PCSK5: variants seen among roughly 807,000 people sequenced by gnomAD.
PCSK5 encodes the protein prohormone convertase 5.
PCSK5 carries 129 observed loss-of-function variants against 233.2 expected under a neutral mutation model. That is an observed-to-expected ratio of 0.55 (90% CI 0.48 to 0.64). The LOEUF (loss-of-function observed/expected upper bound fraction) is 0.64, where lower values mean the gene tolerates loss of function less well. Among genes scored for constraint, PCSK5 ranks in the 30% least tolerant of loss-of-function variants. The pLI is 0.00. For missense variants in PCSK5, 2,076 were observed against 2,430.1 expected (o/e 0.85, Z 3.06); for synonymous variants, 825 against 879.2 (o/e 0.94, Z 1.09).
rs547912082 is a variant in PCSK5, at chr9:76,281,319, A to G, written c.3143-10914A>G. On this transcript the variant is annotated intron_variant, in intron 24 of 37. Coordinates refer to ENST00000674117, the MANE Select transcript of PCSK5 (RefSeq NM_001372043.1). ...TGACTCTCTTATTAGGGACTAATGC[A>G]GCTGGTGACTTTAAGTTAAAGCCAG... 3.3e-5 allele frequency among the ~76,000 whole-genome samples: 5 copies of G among 152,384 alleles called. No homozygotes were observed. In the South Asian group the frequency reaches 8.3e-4, roughly 25 times the overall value.
intron 22 of PCSK5, among the ~76,000 whole-genome samples, chr9:76,236,934 A>C (rs1168607114): frequency 6.6e-6 from 1 of 152,194 alleles, no homozygotes; most frequent in African/African-American, 2.4e-5. Flanking sequence ...AAATTCCACA[A>C]ATACATATTT....
intron 1 of PCSK5, among the ~76,000 whole-genome samples, chr9:75,928,635 ATAT>A: frequency 7.4e-6 from 1 of 134,912 alleles, no homozygotes; most frequent in African/African-American, 2.8e-5. Context: ...ATATATATAT[ATAT>A]AATCCTAGAA....
chr9:76,209,303 C>T (rs112823038), intron 20 of PCSK5, among the ~76,000 whole-genome samples: 1 of 152,212 alleles, frequency 6.6e-6, no homozygotes, highest in East Asian at 1.9e-4. Flanking sequence ...GCGTTCCTAT[C>T]GCTACCCCTT....
rs980971197 is a variant in PCSK5 at position 76,197,067 on chromosome 9, G to A, written c.2626+7321G>A. Among the ~76,000 whole-genome samples the A allele has an allele frequency of 3.3e-5, 5 of 152,198 alleles. No homozygotes were observed. In the South Asian group the frequency reaches 8.3e-4, roughly 25 times the overall value. Reference sequence around the variant, plus strand: ...TCTTACCTGGGAAGACAGGAAGAGAGCGGGAAGAACATTACCAATGAACTT... The same window carrying A: ...TCTTACCTGGGAAGACAGGAAGAGAACGGGAAGAACATTACCAATGAACTT... On this transcript the variant is annotated intron_variant, in intron 20 of 37. Transcript: ENST00000674117.
chr9:76,285,362 GC>G, intron 24 of PCSK5, among the ~76,000 whole-genome samples: 1 of 152,298 alleles, frequency 6.6e-6, no homozygotes, highest in African/African-American at 2.4e-5. Context: ...TGCAGATGTA[GC>G]CTAAGAGAGT....
At chr9:76,023,664 A>G (rs767194126) in intron 3 of PCSK5, 74 bp from the exon 4 acceptor site, 30 of 1,404,864 alleles carry the variant, frequency 2.1e-5, no homozygotes, top group Non-Finnish European at 2.6e-5. Context: ...AAAAAACAAA[A>G]GAAAGAAAGA....
intron 3 of PCSK5, among the ~76,000 whole-genome samples, chr9:75,998,269 G>A (rs1416556): frequency 0.29 from 44,099 of 151,840 alleles, 7,544 homozygotes; most frequent in African/African-American, 0.48. Flanking sequence ...AATGTTTTAA[G>A]TGCTAATTCT....
At chr9:76,135,210 T>G (rs1169257729) in intron 10 of PCSK5, among the ~76,000 whole-genome samples, 1 of 152,086 alleles carries the variant, frequency 6.6e-6, no homozygotes, top group East Asian at 1.9e-4. Context: ...TAATATTATC[T>G]ACGTATCATA....
At chr9:75,939,498 T>C (rs1345750906) in intron 2 of PCSK5, among the ~76,000 whole-genome samples, 2 of 152,216 alleles carry the variant, frequency 1.3e-5, no homozygotes, top group African/African-American at 2.4e-5. Flanking sequence ...TCAAGGACAG[T>C]GTTATCTGTA....
chr9:75,982,125 T>A (rs1826302861), intron 2 of PCSK5, among the ~76,000 whole-genome samples: 1 of 152,220 alleles, frequency 6.6e-6, no homozygotes, highest in Non-Finnish European at 1.5e-5. Context: ...AACTGTATCA[T>A]GGAGATGATT....
chr9:76,304,613 T>C, intron 28 of PCSK5, among the ~76,000 whole-genome samples: 1 of 127,806 alleles, frequency 7.8e-6, no homozygotes, highest in African/African-American at 3.0e-5. Context: ...TTTCTCTCAT[T>C]TTAGAGACAA....
intron 7 of PCSK5, among the ~76,000 whole-genome samples, 167 bp from the exon 8 acceptor site, chr9:76,095,723 T>C (rs1235321305): frequency 1.3e-5 from 2 of 152,162 alleles, no homozygotes; most frequent in Non-Finnish European, 2.9e-5. Context: ...ACCGTTTTAG[T>C]CTATAAAACC....
chr9:76,001,871 T>A (rs776675083), intron 3 of PCSK5, among the ~76,000 whole-genome samples: 14 of 152,102 alleles, frequency 9.2e-5, no homozygotes, highest in Admixed American at 5.2e-4. Flanking sequence ...TCTGGACAAG[T>A]GAAAGGGAAT....
chr9:75,934,479 T>C (rs1823958595), intron 2 of PCSK5, among the ~76,000 whole-genome samples: 1 of 152,092 alleles, frequency 6.6e-6, no homozygotes, highest in African/African-American at 2.4e-5. Flanking sequence ...CTAAGGGAGC[T>C]TGCTGCTTTC....
intron 5 of PCSK5, among the ~76,000 whole-genome samples, chr9:76,046,155 C>CTTTTTTT (rs1829362984): frequency 1.4e-4 from 8 of 55,706 alleles, no homozygotes; most frequent in East Asian, 5.5e-4. Flanking sequence ...ATAATTTTTT[C>CTTTTTTT]TTTTGTTTTT....
At chr9:76,302,750 C>A (rs527264506) in intron 28 of PCSK5, among the ~76,000 whole-genome samples, 5 of 152,172 alleles carry the variant, frequency 3.3e-5, no homozygotes, top group East Asian at 1.9e-4. Context: ...AGGTGATAAA[C>A]CGTGTGAATA....
At position 76,181,983 on chromosome 9, in the gene PCSK5, A is replaced by C. The variant is rs143415753; in HGVS notation, c.2197+392A>C. On this transcript the variant is annotated intron_variant, in intron 16 of 37. Coordinates refer to ENST00000674117, the MANE Select transcript of PCSK5 (RefSeq NM_001372043.1). ...TGACGACGTGCATGAAATGTTGTCT[A>C]CCAGGGAACCTCATTAGAGACTCAG... Among the ~76,000 whole-genome samples, 284 of 152,328 alleles carry C rather than the reference A, an allele frequency of 1.9e-3. 1 individual carries two copies. The highest frequency in any genetic ancestry group is 6.1e-3 in the African/African-American group (253 of 41,572).
chr9:76,058,716 C>G (rs1419421506), intron 5 of PCSK5, among the ~76,000 whole-genome samples: 1 of 152,090 alleles, frequency 6.6e-6, no homozygotes, highest in Non-Finnish European at 1.5e-5. Flanking sequence ...GCAGACACAT[C>G]AGTGGAATTA....
At chr9:76,095,303 C>T (rs575591031) in intron 7 of PCSK5, among the ~76,000 whole-genome samples, 2 of 152,146 alleles carry the variant, frequency 1.3e-5, no homozygotes, top group Non-Finnish European at 2.9e-5. Context: ...AGCATAGAGG[C>T]ATAACCTCTC....
Sources: gnomAD v4.1 joint callset for allele counts (sites outside exome capture counted in the v4.1 genomes callset) on GRCh38, gnomAD v4.1.1 for gene constraint, MANE v1.5 for transcripts, NCBI Gene and HGNC (gene_info 2026-07-23, HGNC 2026-07-21) for gene names.